PKM: variants seen among roughly 807,000 people sequenced by gnomAD.
PKM encodes pyruvate kinase M1/2, also known as pyruvate kinase PKM.
A neutral mutation model predicts 49.8 loss-of-function variants in PKM; 18 were observed. The ratio of observed to expected loss-of-function variants is 0.36; its 90% confidence interval spans 0.25 to 0.54. PKM has a LOEUF of 0.54. Ranked by LOEUF, PKM falls within the 20% of genes least tolerant of loss-of-function variation. The pLI, the probability that PKM is intolerant of heterozygous loss-of-function variation, is 0.89. For missense variants in PKM, 508 were observed against 713.8 expected (o/e 0.71, Z 3.28); for synonymous variants, 239 against 261.8 (o/e 0.91, Z 0.84).
intron 9 of PKM, chr15:72,201,915 G>A: frequency 5.4e-6 from 1 of 183,604 alleles, no homozygotes; most frequent in South Asian, 1.0e-4. Context: ...CCCAGCATAG[G>A]CCACACAGTC....
At chr15:72,225,534 T>TCAC (rs2082644707) in intron 1 of PKM, among the ~76,000 whole-genome samples, 1 of 152,168 alleles carries the variant, frequency 6.6e-6, no homozygotes, top group African/African-American at 2.4e-5. Flanking sequence ...ATCCTTCCAG[T>TCAC]TCACTGAAGT....
Position 72,217,382 on chromosome 15 carries a change from T to C in PKM, c.246+27A>G, listed in dbSNP as rs771915614. On this transcript the variant is annotated intron_variant, in intron 3 of 10. Coordinates refer to ENST00000335181, the MANE Select transcript of PKM (RefSeq NM_002654.6). The stretch of plus-strand genomic sequence containing the variant: ...CCCTGTTTCCTACAGGCCATCACAA[T>C]GGCCATAGGGTCCAGCCACAGCTCA... The C allele has an allele frequency of 5.0e-6, 7 of 1,413,748 alleles. No individual in the cohort carries two copies. In the African/African-American group the frequency reaches 7.0e-5, roughly 14 times the overall value. The allele number at this position is 1,413,748 out of a possible 1,614,324, so 87.6% of individuals were successfully genotyped here. A position where few individuals can be genotyped will look rare whatever the true frequency, so the allele number is the denominator to read the frequency against.
intron 3 of PKM, among the ~76,000 whole-genome samples, chr15:72,213,340 T>A (rs2082301252): frequency 6.6e-6 from 1 of 152,194 alleles, no homozygotes; most frequent in South Asian, 2.1e-4. Context: ...GTGGGAAGAT[T>A]TCTATATTTC....
rs1437353590 is a variant in PKM at position 72,224,962 on chromosome 15, C to T, written c.-13-5852G>A. On this transcript the variant is annotated intron_variant, in intron 1 of 10. Coordinates refer to ENST00000335181, the MANE Select transcript of PKM (RefSeq NM_002654.6). Reference sequence around the variant, plus strand: ...TTTGAGATGGAGTCTCGCTCTGTTGCCCAGGCTGGAGTGCACTGGCGCGAT... The same window carrying T: ...TTTGAGATGGAGTCTCGCTCTGTTGTCCAGGCTGGAGTGCACTGGCGCGAT... Among the ~76,000 whole-genome samples, 4 of 147,302 alleles carry T rather than the reference C, an allele frequency of 2.7e-5. No individual in the cohort carries two copies. The East Asian group carries it at 7.9e-4, about 29-fold the overall frequency.
intron 8 of PKM, chr15:72,204,158 GC>G (rs34453402): frequency 6.6e-6 from 1 of 152,216 alleles, no homozygotes; most frequent in African/African-American, 2.4e-5. Context: ...AGGAAACAGA[GC>G]CATACCTGGT....
intron 1 of PKM, among the ~76,000 whole-genome samples, chr15:72,224,051 A>G (rs1018658406): frequency 1.3e-5 from 2 of 152,184 alleles, no homozygotes; most frequent in African/African-American, 4.8e-5. Context: ...AAATGGGCCT[A>G]CTTCCCTCAA....
In PKM at chr15:72,208,713, T is replaced by A. The variant is rs759599470; in HGVS notation, c.744A>T (p.Ala248=). 3 of 1,614,158 alleles carry A rather than the reference T, an allele frequency of 1.9e-6. No homozygotes were observed. In the Admixed American group the frequency reaches 5.0e-5, roughly 27 times the overall value. Reference sequence around the variant, plus strand: ...CCTTCCTAACTTCATGGACATCAGATGCCTTGCGGATGAATGACGCAAACA... The same window carrying A: ...CCTTCCTAACTTCATGGACATCAGAAGCCTTGCGGATGAATGACGCAAACA... The part of the protein sequence containing the change: ...DMVFASFIRK[A]SDVHEVRKVL... The change falls in exon 6 of 11, where the codon GCA becomes GCT. Residue 248 remains alanine (A), a synonymous_variant. Transcript: ENST00000335181.
Position 72,202,461 on chromosome 15 carries a change from A to G in PKM, c.1300T>C (p.Ser434Pro). 1 of 1,612,874 alleles carries G rather than the reference A, an allele frequency of 6.2e-7. No individual in the cohort carries two copies. The highest frequency in any genetic ancestry group is 8.5e-7 in the Non-Finnish European group (1 of 1,179,804). Residue 434 changes from serine (S) to proline (P), a missense_variant, in exon 9 of 11, where the codon TCT becomes CCT. Coordinates refer to ENST00000335181, the MANE Select transcript of PKM (RefSeq NM_002654.6). The surrounding 1 kb of genome is among the most constrained non-coding windows in gnomAD (Gnocchi z 4.5). ...CSGAIIVLTK[S>P]GRSAHQVARY... ...GCCGCTGCCGCCTCCTACCTGCCAG[A>G]CTTGGTGAGGACGATTATGGCCCCA...
intron 1 of PKM, among the ~76,000 whole-genome samples, chr15:72,225,380 C>T (rs921942300): frequency 6.6e-6 from 1 of 151,982 alleles, no homozygotes; most frequent in Admixed American, 6.6e-5. Context: ...GGGAATCTTG[C>T]GATGTTGCCC....
chr15:72,214,187 A>G (rs553725361), intron 3 of PKM, among the ~76,000 whole-genome samples: 1 of 152,340 alleles, frequency 6.6e-6, no homozygotes, highest in African/African-American at 2.4e-5. Flanking sequence ...AAAAAATTTT[A>G]TCAGAGAATG....
At chr15:72,210,253 T>C (rs943416263) in intron 4 of PKM, 94 bp downstream of exon 4, 9 of 1,336,930 alleles carry the variant, frequency 6.7e-6, no homozygotes, top group Non-Finnish European at 9.6e-6. Context: ...TTCATAGTAC[T>C]GGGAAGAAAC....
intron 6 of PKM, 147 bp downstream of exon 6, chr15:72,208,474 C>A: frequency 1.2e-6 from 1 of 847,468 alleles, no homozygotes; most frequent in Non-Finnish European, 2.0e-6. Context: ...CTTCTACTCT[C>A]CTAAGATATT....
At chr15:72,203,837 G>A (rs1273808253) in intron 8 of PKM, 1 of 153,014 alleles carries the variant, frequency 6.5e-6, no homozygotes, top group Admixed American at 6.5e-5. Flanking sequence ...ACAGATGCCT[G>A]TGGAAGCATG....
In PKM at chr15:72,217,445, A is replaced by G. The variant is rs190975229; in HGVS notation, c.210T>C (p.Asn70=). 2.2e-5 allele frequency: 36 copies of G among 1,613,300 alleles called. No homozygotes were observed. The highest frequency in any genetic ancestry group is 6.8e-6 in the Non-Finnish European group (8 of 1,179,250). ...CATGAGAGAAGTTCAGACGAGCCAC[A>G]TTCATTCCAGACTTAATCATCTCCT... is the stretch of plus-strand genomic sequence containing the variant. The part of the protein sequence containing the change: ...TLKEMIKSGM[N]VARLNFSHGT... Residue 70 remains asparagine (N), a synonymous_variant, in exon 3 of 11, where the codon AAT becomes AAC. Transcript: ENST00000335181.
intron 3 of PKM, among the ~76,000 whole-genome samples, chr15:72,212,249 G>A (rs1020449212): frequency 3.3e-5 from 5 of 152,140 alleles, no homozygotes; most frequent in Admixed American, 2.6e-4. Context: ...GGCCAAGGCG[G>A]GTGGATCATG....
chr15:72,210,933 G>C (rs191181677), intron 3 of PKM, among the ~76,000 whole-genome samples: 1 of 152,324 alleles, frequency 6.6e-6, no homozygotes, highest in East Asian at 1.9e-4. Context: ...TCTGATATAT[G>C]TGGTAATGCT....
Position 72,220,961 on chromosome 15 carries a change from G to C in PKM, c.-13-1851C>G, listed in dbSNP as rs555263308. Among the ~76,000 whole-genome samples the C allele has an allele frequency of 3.3e-5, 5 of 152,340 alleles. No individual in the cohort carries two copies. The East Asian group carries it at 9.6e-4, about 29-fold the overall frequency. ...AACATTACTGAGAGATGGCACATCA[G>C]GCCAACTGGAACACAAAGGCTTTGC... is the stretch of plus-strand genomic sequence containing the variant. On this transcript the variant is annotated intron_variant, in intron 1 of 10. Transcript: ENST00000335181.
rs146173648 is a variant in PKM at position 72,209,799 on chromosome 15, C to A, written c.439G>T (p.Ala147Ser). The change falls in exon 5 of 11, where the codon GCC (alanine) becomes TCC (serine). Residue 147 changes from alanine (A) to serine (S), a missense_variant. By Grantham distance (99) the Ala-to-Ser change is moderately conservative (BLOSUM62 1). Coordinates refer to ENST00000335181, the MANE Select transcript of PKM (RefSeq NM_002654.6). ...GATLKITLDN[A>S]YMEKCDENIL... ...TTCTCGTCACACTTTTCCATGTAGG[C>A]GTTATCCAGCGTGATTTTGAGAGTG... is the stretch of plus-strand genomic sequence containing the variant. 1 of 1,614,052 alleles carries A rather than the reference C, an allele frequency of 6.2e-7. No homozygotes were observed. The highest frequency in any genetic ancestry group is 8.5e-7 in the Non-Finnish European group (1 of 1,179,978).
chr15:72,202,576 A>T lies in PKM; in HGVS notation c.1185T>A (p.Phe395Leu). ...AEAAIYHLQL[F>L]EELRRLAPIT... Reference sequence around the variant, plus strand: ...TGGGCGCCAGGCGGCGGAGTTCCTCAAATAATTGCAAGTGGTAGATGGCAG... The same window carrying T: ...TGGGCGCCAGGCGGCGGAGTTCCTCTAATAATTGCAAGTGGTAGATGGCAG... Residue 395 changes from phenylalanine (F) to leucine (L), a missense_variant, in exon 9 of 11, where the codon TTT becomes TTA. By Grantham distance (22) the Phe-to-Leu change is conservative (BLOSUM62 0). Coordinates refer to ENST00000335181, the MANE Select transcript of PKM (RefSeq NM_002654.6). This position sits in a 1 kb window ranked among gnomAD's most constrained non-coding sequence, Gnocchi z 4.5. 1 of 1,613,604 alleles carries T rather than the reference A, an allele frequency of 6.2e-7. No homozygotes were observed. The highest frequency in any genetic ancestry group is 8.5e-7 in the Non-Finnish European group (1 of 1,179,908).
Sources: allele counts gnomAD v4.1 joint callset (sites outside exome capture counted in the v4.1 genomes callset), GRCh38; gene constraint gnomAD v4.1.1; non-coding constraint Gnocchi (gnomAD v3.1); transcripts MANE v1.5; gene names NCBI Gene and HGNC (gene_info 2026-07-23, HGNC 2026-07-21).